LRP1B: variants seen among roughly 807,000 people sequenced by gnomAD.
LRP1B encodes the protein LDL receptor related protein 1B.
Under a neutral mutation model 556.6 loss-of-function variants are expected in LRP1B, and 217 were observed. The ratio of observed to expected loss-of-function variants is 0.39; its 90% confidence interval spans 0.35 to 0.44. LRP1B has a LOEUF of 0.44. Among genes scored for constraint, LRP1B ranks in the 20% least tolerant of loss-of-function variants. The pLI is 1.00. For synonymous variants in LRP1B, 2,047 were observed against 1,865.8 expected (o/e 1.10, Z -2.50); for missense variants, 5,053 against 5,620.8 (o/e 0.90, Z 3.23).
At chr2:141,385,969 A>G (rs952149069) in intron 3 of LRP1B, among the ~76,000 whole-genome samples, 2 of 152,164 alleles carry the variant, frequency 1.3e-5, no homozygotes, top group African/African-American at 2.4e-5. Flanking sequence ...ATGTAATAAA[A>G]TGATTGCTTA....
intron 43 of LRP1B, among the ~76,000 whole-genome samples, chr2:140,565,413 C>G (rs1681089971): frequency 6.6e-6 from 1 of 151,788 alleles, no homozygotes; most frequent in Non-Finnish European, 1.5e-5. Flanking sequence ...AACATGTTTA[C>G]TTTTCTATAT....
chr2:142,066,336 C>T lies in LRP1B; in HGVS notation c.82+64312G>A, dbSNP rs563262604. Among the ~76,000 whole-genome samples, 4 of 151,538 alleles carry T rather than the reference C, an allele frequency of 2.6e-5. 1 individual carries two copies. The highest frequency in any genetic ancestry group is 9.6e-5 in the African/African-American group (4 of 41,458). ...CTCTCCTCTCACATTTTGCTATAAGCAGCACATAGGAAACCAGGCCACACA... is the reference window on the plus strand; with the variant it reads ...CTCTCCTCTCACATTTTGCTATAAGTAGCACATAGGAAACCAGGCCACACA... On this transcript the variant is annotated intron_variant, in intron 1 of 90. Coordinates refer to ENST00000389484, the MANE Select transcript of LRP1B (RefSeq NM_018557.3).
At chr2:140,826,661 T>A (rs1369367951) in intron 31 of LRP1B, among the ~76,000 whole-genome samples, 1 of 152,102 alleles carries the variant, frequency 6.6e-6, no homozygotes, top group African/African-American at 2.4e-5. Context: ...TGATTCCTCC[T>A]AGACTCATGG....
chr2:141,208,325 A>C (rs1682373760), intron 6 of LRP1B: 2 of 152,190 alleles, frequency 1.3e-5, no homozygotes, highest in Admixed American at 1.3e-4. Context: ...TGAGTCAATC[A>C]CTTCCGGCGC....
At chr2:141,862,735 G>A (rs1698287719) in intron 1 of LRP1B, among the ~76,000 whole-genome samples, 1 of 152,108 alleles carries the variant, frequency 6.6e-6, no homozygotes, top group Admixed American at 6.6e-5. Flanking sequence ...ATGCCCAGCT[G>A]AAAATAATTG....
At position 140,776,218 on chromosome 2, in the gene LRP1B, C is replaced by T; in HGVS notation, c.5380G>A (p.Asp1794Asn). ...GTTCCTAGCTGGGCTAAGTTTTGGT[C>T]TGCCCACCACAGTTTCTTATCTAGA... ...TIMDKKLWWA[D>N]QNLAQLGTCS... is the part of the protein sequence containing the mutation. Residue 1794 changes from aspartate (D) to asparagine (N), a missense_variant, in exon 33 of 91, where the codon GAC (aspartate) becomes AAC (asparagine). Asp to Asn is a conservative substitution (Grantham distance 23). Transcript: ENST00000389484. The T allele has an allele frequency of 6.3e-7, 1 of 1,594,982 alleles. No homozygotes were observed. Among genetic ancestry groups the T allele is most frequent in the Non-Finnish European group, 8.5e-7 (1 of 1,171,698 alleles).
chr2:140,670,075 A>G (rs1559044583), intron 41 of LRP1B, among the ~76,000 whole-genome samples: 1 of 152,148 alleles, frequency 6.6e-6, no homozygotes. Flanking sequence ...AACTTCTCTA[A>G]GAATGTTTCC....
chr2:141,901,162 G>A (rs574322783), intron 1 of LRP1B, among the ~76,000 whole-genome samples: 1 of 152,100 alleles, frequency 6.6e-6, no homozygotes, highest in East Asian at 1.9e-4. Flanking sequence ...ATGCACTAAG[G>A]AGTTTTCTTT....
At chr2:141,333,734 T>G (rs1687744296) in intron 3 of LRP1B, among the ~76,000 whole-genome samples, 1 of 152,200 alleles carries the variant, frequency 6.6e-6, no homozygotes, top group African/African-American at 2.4e-5. Flanking sequence ...AATCCAGATC[T>G]TCTGAGTCCA....
chr2:140,620,536 C>T (rs1396506889), intron 41 of LRP1B, among the ~76,000 whole-genome samples: 1 of 152,026 alleles, frequency 6.6e-6, no homozygotes, highest in East Asian at 1.9e-4. Context: ...TAAAACATAA[C>T]CTTTAATTAA....
rs145483238 is a variant in LRP1B at position 141,912,417 on chromosome 2, C to T, written c.83-102016G>A. Among the ~76,000 whole-genome samples, 3 of 152,202 alleles carry T rather than the reference C, an allele frequency of 2.0e-5. No homozygotes were observed. In the East Asian group the frequency reaches 5.8e-4, roughly 29 times the overall value. ...TTTAGATTATCAATAATGATCAACA[C>T]TATCGCAGCAAAAGGGGTCGAGACC... On this transcript the variant is annotated intron_variant, in intron 1 of 90. Transcript: ENST00000389484.
rs192816722 is a variant in LRP1B, at chr2:141,568,883, A to T, written c.206-88350T>A. Among the ~76,000 whole-genome samples the T allele has an allele frequency of 7.9e-3, 1,186 of 150,214 alleles. 63 individuals are homozygous for T. Among genetic ancestry groups the T allele is most frequent in the Admixed American group, 0.015 (222 of 15,072 alleles). ...ATTTTCCTGCCTCAGCCTCCTGAGC[A>T]TCTGGGATCACAGGTGTGTGCCACC... On this transcript the variant is annotated intron_variant, in intron 2 of 90. Transcript: ENST00000389484.
intron 32 of LRP1B, among the ~76,000 whole-genome samples, chr2:140,784,080 A>G (rs905643644): frequency 6.6e-6 from 1 of 152,116 alleles, no homozygotes; most frequent in African/African-American, 2.4e-5. Flanking sequence ...AAACATTAGA[A>G]TCACCTGGAA....
At chr2:140,383,503 A>G (rs1683628191) in intron 67 of LRP1B, among the ~76,000 whole-genome samples, 1 of 151,166 alleles carries the variant, frequency 6.6e-6, no homozygotes, top group Non-Finnish European at 1.5e-5. Context: ...AACGACTGGC[A>G]TTGTCAATGT....
chr2:141,202,241 G>T (rs1315842321), intron 6 of LRP1B, among the ~76,000 whole-genome samples: 1 of 150,036 alleles, frequency 6.7e-6, no homozygotes, highest in Non-Finnish European at 1.5e-5. Flanking sequence ...TATGATCTTG[G>T]TTTTTTGTTT....
At chr2:141,697,208 G>A (rs1691762276) in intron 2 of LRP1B, among the ~76,000 whole-genome samples, 1 of 151,742 alleles carries the variant, frequency 6.6e-6, no homozygotes, top group South Asian at 2.1e-4. Flanking sequence ...CATTATTTTA[G>A]TAATTAAAAA....
At chr2:140,669,586 T>A (rs115371983) in intron 41 of LRP1B, among the ~76,000 whole-genome samples, 2,076 of 152,288 alleles carry the variant, frequency 0.014, 39 homozygotes, top group Admixed American at 0.046. Flanking sequence ...CTAATCATGA[T>A]GTCTTTACCA....
intron 3 of LRP1B, among the ~76,000 whole-genome samples, chr2:141,354,316 TAGA>T (rs1292112231): frequency 1.3e-5 from 2 of 152,052 alleles, no homozygotes; most frequent in African/African-American, 2.4e-5. Context: ...TGTAGTTATC[TAGA>T]AGAAGGTCAG....
intron 3 of LRP1B, among the ~76,000 whole-genome samples, chr2:141,414,197 A>G (rs900810429): frequency 2.7e-5 from 4 of 147,752 alleles, no homozygotes; most frequent in African/African-American, 1.0e-4. Flanking sequence ...AGATAGCGCC[A>G]CTGCACTCCA....
Sources: allele counts gnomAD v4.1 joint callset (sites outside exome capture counted in the v4.1 genomes callset), GRCh38; gene constraint gnomAD v4.1.1; transcripts MANE v1.5; gene names NCBI Gene and HGNC (gene_info 2026-07-23, HGNC 2026-07-21).